The following SEZ6L variants were observed in gnomAD, a reference collection of about 807,000 sequenced individuals.
The protein encoded by SEZ6L is seizure 6-like protein.
In SEZ6L, 37 loss-of-function variants were observed where a neutral mutation model predicts 106.2. The observed-to-expected ratio is 0.35, with a 90% CI of 0.27 to 0.46. The LOEUF is 0.46. Among genes scored for constraint, SEZ6L ranks in the 20% least tolerant of loss-of-function variants. The pLI is 1.00. For missense variants in SEZ6L, 1,172 were observed against 1,332.8 expected (o/e 0.88, Z 1.88); for synonymous variants, 541 against 570.4 (o/e 0.95, Z 0.73).
intron 1 of SEZ6L, among the ~76,000 whole-genome samples, chr22:26,175,329 C>T (rs950090816): frequency 5.3e-5 from 8 of 152,158 alleles, no homozygotes; most frequent in South Asian, 2.1e-4. Context: ...CAGGCACTTA[C>T]GTTGGTTATT....
At chr22:26,370,985 C>CA (rs1555877430) in intron 13 of SEZ6L, among the ~76,000 whole-genome samples, 1 of 117,608 alleles carries the variant, frequency 8.5e-6, no homozygotes, top group Non-Finnish European at 1.6e-5. Flanking sequence ...GCCTGGGAAA[C>CA]AGAGCAAGAC....
chr22:26,244,760 T>C (rs1294908836), intron 1 of SEZ6L: 1 of 152,048 alleles, frequency 6.6e-6, no homozygotes, highest in Non-Finnish European at 1.5e-5. Context: ...CCTTCCCAAG[T>C]GCCTACTACG....
chr22:26,309,848 A>G (rs621721), intron 6 of SEZ6L, among the ~76,000 whole-genome samples: 39,013 of 151,824 alleles, frequency 0.26, 5,463 homozygotes, highest in African/African-American at 0.33. Context: ...CAAACTGCTG[A>G]GATTATAGAC....
chr22:26,342,356 A>T (rs1469253171), intron 10 of SEZ6L, among the ~76,000 whole-genome samples: 1 of 152,120 alleles, frequency 6.6e-6, no homozygotes, highest in Non-Finnish European at 1.5e-5. Flanking sequence ...TTGGAGCAAG[A>T]TTCCATGTCT....
chr22:26,281,444 G>T (rs1327219639), intron 1 of SEZ6L, among the ~76,000 whole-genome samples: 1 of 145,888 alleles, frequency 6.9e-6, no homozygotes, highest in Non-Finnish European at 1.5e-5. Flanking sequence ...GCGCCATCTC[G>T]GCTCACTGCA....
At chr22:26,206,457 C>T (rs1569377968) in intron 1 of SEZ6L, among the ~76,000 whole-genome samples, 1 of 152,194 alleles carries the variant, frequency 6.6e-6, no homozygotes, top group African/African-American at 2.4e-5. Context: ...CCTTTCAAAA[C>T]TCCCATGCAG....
At chr22:26,248,121 G>C (rs1423060579) in intron 1 of SEZ6L, among the ~76,000 whole-genome samples, 2 of 152,316 alleles carry the variant, frequency 1.3e-5, no homozygotes, top group Non-Finnish European at 2.9e-5. Flanking sequence ...ACCTGGACAA[G>C]TCCCTGATGA....
chr22:26,179,469 G>A (rs1183111345), intron 1 of SEZ6L, among the ~76,000 whole-genome samples: 1 of 152,186 alleles, frequency 6.6e-6, no homozygotes, highest in Non-Finnish European at 1.5e-5. Context: ...AAGCTGTGAT[G>A]TATAAGAAAC....
At chr22:26,339,722 A>G (rs183684024) in intron 9 of SEZ6L, among the ~76,000 whole-genome samples, 32 of 152,342 alleles carry the variant, frequency 2.1e-4, no homozygotes, top group Non-Finnish European at 3.8e-4. Context: ...ATAAAAATGC[A>G]AGTTGTAATT....
intron 9 of SEZ6L, among the ~76,000 whole-genome samples, chr22:26,322,386 C>T (rs946415923): frequency 2.6e-5 from 4 of 152,138 alleles, no homozygotes; most frequent in Non-Finnish European, 4.4e-5. Flanking sequence ...AGCAGCGACA[C>T]GGGAAGGCTC....
intron 1 of SEZ6L, among the ~76,000 whole-genome samples, chr22:26,227,932 A>C (rs2078683329): frequency 6.6e-6 from 1 of 152,206 alleles, no homozygotes; most frequent in South Asian, 2.1e-4. Flanking sequence ...AAAACGTGCC[A>C]ATGGCCACAG....
intron 1 of SEZ6L, among the ~76,000 whole-genome samples, chr22:26,192,726 TA>T (rs1372659900): frequency 6.6e-5 from 10 of 152,184 alleles, no homozygotes; most frequent in Non-Finnish European, 1.2e-4. Flanking sequence ...GCCTAATGGG[TA>T]AAATAGGCCC....
chr22:26,314,093 C>CAG lies in SEZ6L; in HGVS notation c.2015+192_2015+193insGA, dbSNP rs1162478991. ...AAATACACACACACACACACACACACACAGAGAGAGAGAGAGAGGAGAGAG... is the reference window on the plus strand; with the variant it reads ...AAATACACACACACACACACACACACAGACAGAGAGAGAGAGAGAGGAGAGAG... On this transcript the variant is annotated intron_variant, in intron 9 of 16. Transcript: ENST00000248933. Among the ~76,000 whole-genome samples the CAG allele has an allele frequency of 2.9e-3, 399 of 138,362 alleles. 3 individuals carry two copies. Among genetic ancestry groups the CAG allele is most frequent in the African/African-American group, 1.0e-2 (356 of 35,708 alleles). 90.8% of individuals were successfully genotyped at this position (138,362 alleles called of 152,430 possible).
chr22:26,179,357 C>A (rs187543925), intron 1 of SEZ6L, among the ~76,000 whole-genome samples: 2 of 152,186 alleles, frequency 1.3e-5, no homozygotes, highest in Non-Finnish European at 2.9e-5. Context: ...CACCACTGCA[C>A]TCTAGCCTGA....
At chr22:26,353,680 C>T (rs1027539642) in intron 12 of SEZ6L, among the ~76,000 whole-genome samples, 2 of 152,090 alleles carry the variant, frequency 1.3e-5, no homozygotes, top group African/African-American at 2.4e-5. Flanking sequence ...ATAGCGTCTT[C>T]GCCATCCTAA....
intron 1 of SEZ6L, among the ~76,000 whole-genome samples, chr22:26,219,647 A>G (rs1456048244): frequency 6.6e-6 from 1 of 152,166 alleles, no homozygotes; most frequent in Non-Finnish European, 1.5e-5. Context: ...CTAAGAGGAG[A>G]AGTTCAAAGA....
intron 9 of SEZ6L, among the ~76,000 whole-genome samples, chr22:26,330,214 G>T (rs2082436570): frequency 6.6e-6 from 1 of 152,184 alleles, no homozygotes; most frequent in Non-Finnish European, 1.5e-5. Context: ...TGTTGCTCAG[G>T]CTTTGTCTTC....
At chr22:26,344,853 A>T (rs963947420) in intron 10 of SEZ6L, among the ~76,000 whole-genome samples, 3 of 152,232 alleles carry the variant, frequency 2.0e-5, no homozygotes, top group African/African-American at 7.2e-5. Context: ...GCAAATGAGA[A>T]CAATGAGGCT....
intron 1 of SEZ6L, among the ~76,000 whole-genome samples, chr22:26,278,279 A>G (rs895868845): frequency 6.6e-6 from 1 of 152,224 alleles, no homozygotes; most frequent in Non-Finnish European, 1.5e-5. Flanking sequence ...TCTAAAAAGA[A>G]ATATCTTTCT....
Sources: gnomAD v4.1 joint callset for allele counts (sites outside exome capture counted in the v4.1 genomes callset) on GRCh38, gnomAD v4.1.1 for gene constraint, MANE v1.5 for transcripts, NCBI Gene and HGNC (gene_info 2026-07-23, HGNC 2026-07-21) for gene names.